The following AP3S2 variants were observed in gnomAD, a reference collection of about 807,000 sequenced individuals.
AP3S2 encodes adaptor related protein complex 3 subunit sigma 2.
In AP3S2, 22 loss-of-function variants were observed where a neutral mutation model predicts 23.4. That is an observed-to-expected ratio of 0.94 (90% CI 0.67 to 1.34). The LOEUF (loss-of-function observed/expected upper bound fraction) is 1.34, where lower values mean the gene tolerates loss of function less well. AP3S2 is among the 40% of genes most tolerant of loss of function. The probability of loss-of-function intolerance (pLI) is 0.00; values close to 1 mark genes in which losing one functional copy is unlikely to be tolerated. For synonymous variants in AP3S2, 86 were observed against 87.1 expected (o/e 0.99, Z 0.07); for missense variants, 241 against 236.9 (o/e 1.02, Z -0.11).
At chr15:89,868,553 C>G (rs1268404038) in intron 4 of AP3S2, among the ~76,000 whole-genome samples, 1 of 135,796 alleles carries the variant, frequency 7.4e-6, no homozygotes, top group African/African-American at 2.8e-5. Context: ...GCCGCCCCGT[C>G]CGGGAGGGAG....
At chr15:89,847,445 T>C (rs1397292940) in intron 4 of AP3S2, among the ~76,000 whole-genome samples, 1 of 140,722 alleles carries the variant, frequency 7.1e-6, no homozygotes, top group Non-Finnish European at 1.6e-5. Flanking sequence ...CAGAATTGAA[T>C]CTAAGAAGAA....
At chr15:89,868,104 G>A (rs1367933089) in intron 4 of AP3S2, among the ~76,000 whole-genome samples, 17 of 115,350 alleles carry the variant, frequency 1.5e-4, no homozygotes, top group Admixed American at 5.6e-4. Context: ...CACCCCGTCC[G>A]GGAGGGAGAT....
rs1038416995 is a variant in AP3S2 at position 89,831,738 on chromosome 15, C to G, written c.*3777G>C. The G allele has an allele frequency of 6.6e-6, 1 of 152,264 alleles. No homozygotes were observed. Among genetic ancestry groups the G allele is most frequent in the African/African-American group, 2.4e-5 (1 of 41,454 alleles). The allele number at this position is 152,264 out of a possible 1,614,324, so 9.4% of individuals were successfully genotyped here. A position where few individuals can be genotyped will look rare whatever the true frequency, so the allele number is the denominator to read the frequency against. On this transcript the variant is annotated 3_prime_UTR_variant, in exon 6 of 6. Coordinates refer to ENST00000336418, the MANE Select transcript of AP3S2 (RefSeq NM_005829.5). ...AGGCTGGCTCTATATGTGGCAGAGGCCTGAATAAACAGGGATTTGAGAGGG... is the reference window on the plus strand; with the variant it reads ...AGGCTGGCTCTATATGTGGCAGAGGGCTGAATAAACAGGGATTTGAGAGGG...
intron 3 of AP3S2, among the ~76,000 whole-genome samples, chr15:89,883,519 A>T (rs1409918802): frequency 6.6e-6 from 1 of 151,890 alleles, no homozygotes; most frequent in African/African-American, 2.4e-5. Flanking sequence ...CTTTAGCCAC[A>T]TGAGTAGCTG....
At chr15:89,840,841 A>C (rs1895312740) in intron 4 of AP3S2, among the ~76,000 whole-genome samples, 1 of 152,178 alleles carries the variant, frequency 6.6e-6, no homozygotes, top group African/African-American at 2.4e-5. Context: ...TCCGGAGCTC[A>C]TGTTCTACCC....
chr15:89,870,307 C>T (rs79445291), intron 4 of AP3S2, among the ~76,000 whole-genome samples: 2,039 of 152,142 alleles, frequency 0.013, 43 homozygotes, highest in African/African-American at 0.046. Context: ...AGTATACAAC[C>T]CTTTCATATG....
chr15:89,866,979 C>CCCCTCT (rs143697136), intron 4 of AP3S2, among the ~76,000 whole-genome samples: 4 of 131,278 alleles, frequency 3.0e-5, no homozygotes, highest in Admixed American at 2.2e-4. Context: ...TCCCCCTTTT[C>CCCCTCT]CCCTCTCCCT....
intron 3 of AP3S2, among the ~76,000 whole-genome samples, chr15:89,881,898 G>A (rs1896577059): frequency 6.6e-6 from 1 of 150,398 alleles, no homozygotes; most frequent in Non-Finnish European, 1.5e-5. Flanking sequence ...TCAGCTTACT[G>A]CAACCTCCAC....
chr15:89,848,829 T>C (rs1439482276), intron 4 of AP3S2: 1 of 152,212 alleles, frequency 6.6e-6, no homozygotes, highest in African/African-American at 2.4e-5. Context: ...GAAAATCATC[T>C]GAGAGTCATC....
intron 2 of AP3S2, 111 bp downstream of exon 2, chr15:89,888,938 G>C: frequency 7.8e-7 from 1 of 1,284,484 alleles, no homozygotes; most frequent in Non-Finnish European, 1.1e-6. Context: ...GGTGAGACCA[G>C]CTAAAGTTGC....
At position 89,847,353 on chromosome 15, in the gene AP3S2, G is replaced by A. The variant is rs141007415; in HGVS notation, c.346-9631C>T. Among the ~76,000 whole-genome samples the A allele has an allele frequency of 2.1e-3, 293 of 139,040 alleles. 2 individuals carry two copies. The highest frequency in any genetic ancestry group is 7.6e-3 in the African/African-American group (276 of 36,236). 91.2% of individuals were successfully genotyped at this position (139,040 alleles called of 152,430 possible). A position where few individuals can be genotyped will look rare whatever the true frequency, so the allele number is the denominator to read the frequency against. ...ATTGCACCACTGCACTCCAGCCTGGGAGACAGGGCGAGACCCTGTTACAAA... is the reference window on the plus strand; with the variant it reads ...ATTGCACCACTGCACTCCAGCCTGGAAGACAGGGCGAGACCCTGTTACAAA... On this transcript the variant is annotated intron_variant, in intron 4 of 5. Transcript: ENST00000336418.
At chr15:89,874,688 G>T (rs1401718554) in intron 3 of AP3S2, among the ~76,000 whole-genome samples, 1 of 152,138 alleles carries the variant, frequency 6.6e-6, no homozygotes, top group Non-Finnish European at 1.5e-5. Flanking sequence ...AGGCTGAGGT[G>T]GGAGGATTGC....
At chr15:89,872,428 T>TA (rs1896343280) in intron 3 of AP3S2, among the ~76,000 whole-genome samples, 1 of 152,228 alleles carries the variant, frequency 6.6e-6, no homozygotes, top group South Asian at 2.1e-4. Flanking sequence ...TAACTTTTAA[T>TA]AAAACATAAC....
At chr15:89,874,864 C>T (rs1380319285) in intron 3 of AP3S2, among the ~76,000 whole-genome samples, 2 of 151,986 alleles carry the variant, frequency 1.3e-5, no homozygotes, top group African/African-American at 4.8e-5. Context: ...ATTACTGAAA[C>T]ATACATGTTT....
chr15:89,846,278 T>C (rs1263953979), intron 4 of AP3S2, among the ~76,000 whole-genome samples: 1 of 152,168 alleles, frequency 6.6e-6, no homozygotes, highest in African/African-American at 2.4e-5. Flanking sequence ...GTAGTCAAAA[T>C]GTCAATTCCT....
rs373760381 is a variant in AP3S2 at position 89,850,297 on chromosome 15, T to A, written c.346-12575A>T. 3.3e-5 allele frequency among the ~76,000 whole-genome samples: 5 copies of A among 152,338 alleles called. No homozygotes were observed. The South Asian group carries it at 6.2e-4, about 19-fold the overall frequency. Reference sequence around the variant, plus strand: ...CACAAGACATTCAATCCCTAGCCATTGATTTCTTTCTCTCTTTCACTCACA... The same window carrying A: ...CACAAGACATTCAATCCCTAGCCATAGATTTCTTTCTCTCTTTCACTCACA... On this transcript the variant is annotated intron_variant, in intron 4 of 5. Transcript: ENST00000336418.
In AP3S2 at chr15:89,888,527, G is replaced by A. The variant is rs142367990; in HGVS notation, c.267C>T (p.Leu89=). 7.6e-4 allele frequency: 1,234 copies of A among 1,614,098 alleles called. 2 individuals are homozygous for A. The highest frequency in any genetic ancestry group is 9.7e-4 in the Non-Finnish European group (1,146 of 1,179,982). ...SSESELGILD[L]IQVFVETLDK... ...ATTAGCTGACTACACATACCTGGAT[G>A]AGGTCCAAGATTCCAAGTTCACTCT... The change falls in exon 3 of 6, where the codon CTC becomes CTT. Residue 89 remains leucine, a synonymous_variant. Transcript: ENST00000336418.
intron 4 of AP3S2, among the ~76,000 whole-genome samples, chr15:89,858,461 AAG>A (rs1436043970): frequency 6.9e-5 from 5 of 72,252 alleles, no homozygotes; most frequent in East Asian, 2.4e-4. Flanking sequence ...AAGAAAAAGA[AAG>A]AAAGAAAGAA....
intron 1 of AP3S2, 26 bp from the exon 2 acceptor site, chr15:89,889,166 C>T: frequency 1.2e-6 from 2 of 1,613,648 alleles, no homozygotes; most frequent in Non-Finnish European, 1.7e-6. Flanking sequence ...ATAAGTGAAT[C>T]AGTGGGCAAG....
Sources: gnomAD v4.1 joint callset for allele counts (sites outside exome capture counted in the v4.1 genomes callset) on GRCh38, gnomAD v4.1.1 for gene constraint, MANE v1.5 for transcripts, NCBI Gene and HGNC (gene_info 2026-07-23, HGNC 2026-07-21) for gene names.